ERCC2: variants seen among roughly 807,000 people sequenced by gnomAD.
ERCC2 encodes ERCC excision repair 2, TFIIH core complex helicase subunit, also known as general transcription and DNA repair factor IIH helicase subunit XPD.
In ERCC2, 90 loss-of-function variants were observed where a neutral mutation model predicts 99.4. That is an observed-to-expected ratio of 0.91 (90% CI 0.76 to 1.08). ERCC2 has a LOEUF of 1.08. Among genes scored for constraint, ERCC2 ranks in the 50% least tolerant of loss-of-function variants. The probability of loss-of-function intolerance (pLI) is 0.00; values close to 1 mark genes in which losing one functional copy is unlikely to be tolerated. For synonymous variants in ERCC2, 497 were observed against 432.4 expected (o/e 1.15, Z -1.85); for missense variants, 993 against 1,038.1 (o/e 0.96, Z 0.60).
At chr19:45,366,961 G>A (rs1291497480) in intron 5 of ERCC2, among the ~76,000 whole-genome samples, 4 of 152,054 alleles carry the variant, frequency 2.6e-5, no homozygotes, top group Non-Finnish European at 4.4e-5. Flanking sequence ...CTTGAACCTC[G>A]GAGGTGGAGG....
At position 45,364,853 on chromosome 19, in the gene ERCC2, G is replaced by A. The variant is rs1054890454; in HGVS notation, c.579C>T (p.Phe193=). ...GCCTCCTCACTGAGTATCGAGCAAG[G>A]AAGTATGGGCACCAGCCCTGGCGCC... ...LGRRQGWCPY[F]LARYSILHAN... Residue 193 remains phenylalanine (F), a synonymous_variant, in exon 7 of 23, where the codon TTC becomes TTT. Coordinates refer to ENST00000391945, the MANE Select transcript of ERCC2 (RefSeq NM_000400.4). 4.3e-6 allele frequency: 7 copies of A among 1,613,352 alleles called. No homozygotes were observed. The South Asian group carries it at 5.5e-5, about 13-fold the overall frequency.
intron 11 of ERCC2, among the ~76,000 whole-genome samples, chr19:45,362,968 A>G (rs987342270): frequency 1.3e-5 from 2 of 152,148 alleles, no homozygotes; most frequent in Non-Finnish European, 2.9e-5. Flanking sequence ...GAGGTAAGGA[A>G]CATAAAGGGC....
At chr19:45,359,020 C>T in intron 12 of ERCC2, 1 of 631,360 alleles carries the variant, frequency 1.6e-6, no homozygotes. Context: ...CCAAGCCAGC[C>T]TTGCCCCTGC....
Position 45,351,248 on chromosome 19 carries a change from TCA to T in ERCC2, c.*379_*380del. 1.4e-6 allele frequency: 1 copy of T among 691,836 alleles called. No individual in the cohort carries two copies. The highest frequency in any genetic ancestry group is 2.1e-5 in the African/African-American group (1 of 48,470). 42.9% of individuals were successfully genotyped at this position (691,836 alleles called of 1,614,324 possible). On this transcript the variant is annotated 3_prime_UTR_variant, in exon 23 of 23. Transcript: ENST00000391945. ...GGAGGGTGGATGTAACACTTGCCCCTCACCTCCCCTCCAACCATCCCCTGTGC... is the reference window on the plus strand; with the variant it reads ...GGAGGGTGGATGTAACACTTGCCCCTCCTCCCCTCCAACCATCCCCTGTGC...
intron 16 of ERCC2, 56 bp from the exon 17 acceptor site, chr19:45,354,907 G>A (rs1971960223): frequency 4.3e-6 from 7 of 1,611,026 alleles, no homozygotes; most frequent in East Asian, 4.5e-5. Context: ...TCCCTTCTCT[G>A]TCTTAGAACT....
At chr19:45,369,180 G>A (rs948825694) in intron 2 of ERCC2, 33 bp from the exon 3 acceptor site, 2 of 1,586,010 alleles carry the variant, frequency 1.3e-6, no homozygotes, top group Non-Finnish European at 1.7e-6. Flanking sequence ...GCAACACACA[G>A]GGTCTCAGAA....
intron 5 of ERCC2, among the ~76,000 whole-genome samples, chr19:45,367,362 TATATATAC>T (rs1486250106): frequency 4.2e-3 from 238 of 56,038 alleles, no homozygotes; most frequent in African/African-American, 0.01. Context: ...AAAATATATA[TATATATAC>T]ACACACACAC....
Position 45,350,224 on chromosome 19 carries a change from C to A in ERCC2, c.*1405G>T. Reference sequence around the variant, plus strand: ...ATCACTTGAGGCTAGGAGTTCAAGACCAGCCTGGGCAACATACCAAGACCC... The same window carrying A: ...ATCACTTGAGGCTAGGAGTTCAAGAACAGCCTGGGCAACATACCAAGACCC... On this transcript the variant is annotated 3_prime_UTR_variant, in exon 23 of 23. Coordinates refer to ENST00000391945, the MANE Select transcript of ERCC2 (RefSeq NM_000400.4). 1.3e-6 allele frequency: 1 copy of A among 747,118 alleles called. No homozygotes were observed. The highest frequency in any genetic ancestry group is 2.2e-6 in the Non-Finnish European group (1 of 459,164). The allele number at this position is 747,118 out of a possible 1,614,324, so 46.3% of individuals were successfully genotyped here.
chr19:45,369,504 T>C (rs1438698693), intron 2 of ERCC2, among the ~76,000 whole-genome samples: 1 of 151,916 alleles, frequency 6.6e-6, no homozygotes, highest in African/African-American at 2.4e-5. Context: ...CCGTCTCTAC[T>C]AAAAATACAA....
Position 45,353,139 on chromosome 19 carries a change from C to G in ERCC2, c.1775G>C (p.Arg592Pro). Residue 592 changes from arginine (R) to proline (P), a missense_variant, in exon 19 of 23, where the codon CGC becomes CCC. Arg to Pro is a moderately radical substitution (Grantham distance 103). Coordinates refer to ENST00000391945, the MANE Select transcript of ERCC2 (RefSeq NM_000400.4). ...GGCCACTGACAGCAGGATGGCCCCG[C>G]GGCCATTCTCGCAGGCCTGAGGTGG... is the stretch of plus-strand genomic sequence containing the variant. ...EKYQEACENG[R>P]GAILLSVARG... 3 of 1,613,754 alleles carry G rather than the reference C, an allele frequency of 1.9e-6. No homozygotes were observed. Among genetic ancestry groups the G allele is most frequent in the Non-Finnish European group, 2.5e-6 (3 of 1,179,938 alleles).
chr19:45,353,356 T>G, intron 17 of ERCC2, 22 bp from the exon 18 acceptor site: 1 of 1,585,056 alleles, frequency 6.3e-7, no homozygotes, highest in South Asian at 1.1e-5. Context: ...CCCAGGGAGG[T>G]CAGGGTGGGT....
At chr19:45,354,968 AT>A in intron 16 of ERCC2, 117 bp from the exon 17 acceptor site, 2 of 1,308,360 alleles carry the variant, frequency 1.5e-6, no homozygotes, top group Non-Finnish European at 2.2e-6. Flanking sequence ...TTTCACACAT[AT>A]CCCCCTCCTC....
At chr19:45,370,369 G>GCCCC in intron 1 of ERCC2, 137 bp from the exon 2 acceptor site, 1 of 1,512,568 alleles carries the variant, frequency 6.6e-7, no homozygotes, top group Non-Finnish European at 8.9e-7. Flanking sequence ...GAGCCTCGGG[G>GCCCC]CCCCCTCAGT....
chr19:45,360,942 C>A (rs1463472884), intron 12 of ERCC2, among the ~76,000 whole-genome samples: 1 of 152,024 alleles, frequency 6.6e-6, no homozygotes, highest in East Asian at 2.0e-4. Flanking sequence ...ACCGTCCTGG[C>A]CAACATGGTG....
intron 17 of ERCC2, 82 bp downstream of exon 17, chr19:45,354,646 AGT>A: frequency 2.6e-6 from 4 of 1,559,472 alleles, no homozygotes; most frequent in South Asian, 1.1e-5. Flanking sequence ...TCACCATCAG[AGT>A]GTGAGAGGAA....
rs1185861657 is a variant in ERCC2 at position 45,363,793 on chromosome 19, G to A, written c.1068C>T (p.Ala356=). 2 of 1,539,050 alleles carry A rather than the reference G, an allele frequency of 1.3e-6. No homozygotes were observed. Among genetic ancestry groups the A allele is most frequent in the South Asian group, 1.2e-5 (1 of 84,302 alleles). ...VQHVVQESPP[A]FLSGLAQRVC... Reference sequence around the variant, plus strand: ...CGCGCTGGGCCAGGCCGCTCAGGAAGGCGGGCGGGCTCTCCTGCACCACAT... The same window carrying A: ...CGCGCTGGGCCAGGCCGCTCAGGAAAGCGGGCGGGCTCTCCTGCACCACAT... The change falls in exon 11 of 23, where the codon GCC becomes GCT. Residue 356 remains alanine (A), a synonymous_variant. Transcript: ENST00000391945.
In ERCC2 at chr19:45,354,829, G is replaced by T; in HGVS notation, c.1566C>A (p.Asn522Lys). 1 of 1,614,102 alleles carries T rather than the reference G, an allele frequency of 6.2e-7. No individual in the cohort carries two copies. The highest frequency in any genetic ancestry group is 8.5e-7 in the Non-Finnish European group (1 of 1,179,966). ...EDIAVIRNYGNLLLEMSAVVP... is the reference protein window; with the variant it reads ...EDIAVIRNYGKLLLEMSAVVP... ...CCACAGCGGACATCTCCAGCAGGAGGTTCCCATAGTTCCGGATCACAGCTG... is the reference window on the plus strand; with the variant it reads ...CCACAGCGGACATCTCCAGCAGGAGTTTCCCATAGTTCCGGATCACAGCTG... The change falls in exon 17 of 23, where the codon AAC becomes AAA. Residue 522 changes from asparagine to lysine, a missense_variant. This residue lies in a region of ERCC2 where 909 missense variants were observed against 930.8 expected (regional missense o/e 0.98). Coordinates refer to ENST00000391945, the MANE Select transcript of ERCC2 (RefSeq NM_000400.4).
At position 45,350,778 on chromosome 19, in the gene ERCC2, T is replaced by C. The variant is rs1314690946; in HGVS notation, c.*851A>G. 27 of 1,581,470 alleles carry C rather than the reference T, an allele frequency of 1.7e-5. No homozygotes were observed. Among genetic ancestry groups the C allele is most frequent in the South Asian group, 2.3e-5 (2 of 87,848 alleles). On this transcript the variant is annotated 3_prime_UTR_variant, in exon 23 of 23. Coordinates refer to ENST00000391945, the MANE Select transcript of ERCC2 (RefSeq NM_000400.4). The stretch of plus-strand genomic sequence containing the variant: ...TGTTGATCAGGTCGGCAAAGAGCCC[T>C]GACATCAGCAGAATCCACAGCCCAC...
chr19:45,350,768 CAA>C lies in ERCC2; in HGVS notation c.*859_*860del, dbSNP rs747581328. ...GCCGGGTGAGTGTTGATCAGGTCGG[CAA>C]AGAGCCCTGACATCAGCAGAATCCA... On this transcript the variant is annotated 3_prime_UTR_variant, in exon 23 of 23. Coordinates refer to ENST00000391945, the MANE Select transcript of ERCC2 (RefSeq NM_000400.4). 29 of 1,594,288 alleles carry C rather than the reference CAA, an allele frequency of 1.8e-5. No individual in the cohort carries two copies. Among genetic ancestry groups the C allele is most frequent in the Non-Finnish European group, 2.5e-5 (29 of 1,169,362 alleles).
Sources: allele counts gnomAD v4.1 joint callset (sites outside exome capture counted in the v4.1 genomes callset), GRCh38; gene constraint gnomAD v4.1.1; regional missense constraint gnomAD v4.1.1; transcripts MANE v1.5; gene names NCBI Gene and HGNC (gene_info 2026-07-23, HGNC 2026-07-21).